Variants in CNBD1 observed in about 807,000 individuals in gnomAD.
CNBD1 encodes cyclic nucleotide binding domain containing 1, also known as cyclic nucleotide-binding domain-containing protein 1.
A neutral mutation model predicts 54.4 loss-of-function variants in CNBD1; 71 were observed. That is an observed-to-expected ratio of 1.30 (90% CI 1.08 to 1.59). The LOEUF is 1.59. Ranked by LOEUF, CNBD1 falls within the 40% of genes most tolerant of loss-of-function variation. The pLI is 0.00. For missense variants in CNBD1, 659 were observed against 518.0 expected (o/e 1.27, Z -2.64); for synonymous variants, 182 against 170.7 (o/e 1.07, Z -0.51).
At chr8:87,273,360 G>T (rs138605601) in intron 6 of CNBD1, among the ~76,000 whole-genome samples, 1 of 148,140 alleles carries the variant, frequency 6.8e-6, no homozygotes, top group Non-Finnish European at 1.5e-5. Context: ...AAGAAGAAAC[G>T]TTCTGCCTCT....
chr8:87,311,663 C>G (rs914227085), intron 8 of CNBD1, among the ~76,000 whole-genome samples: 5 of 152,110 alleles, frequency 3.3e-5, no homozygotes, highest in South Asian at 2.1e-4. Context: ...CATTGCAGTA[C>G]TATTCACAAT....
intron 4 of CNBD1, among the ~76,000 whole-genome samples, chr8:87,126,518 T>C (rs913976398): frequency 7.2e-5 from 11 of 152,070 alleles, no homozygotes; most frequent in Non-Finnish European, 1.5e-4. Flanking sequence ...TACTGAGTTC[T>C]GATAAATTTT....
intron 2 of CNBD1, among the ~76,000 whole-genome samples, chr8:87,400,712 T>A (rs1244704338): frequency 6.6e-6 from 1 of 151,986 alleles, no homozygotes. Flanking sequence ...TCTGATATTC[T>A]GGGGTGGAAA....
At chr8:87,265,335 G>A (rs982521612) in intron 6 of CNBD1, among the ~76,000 whole-genome samples, 4 of 151,964 alleles carry the variant, frequency 2.6e-5, no homozygotes, top group African/African-American at 9.7e-5. Flanking sequence ...ATTTCTGAGG[G>A]CTCTGTTCTG....
At chr8:87,224,506 T>C (rs1221411647) in intron 5 of CNBD1, among the ~76,000 whole-genome samples, 1 of 151,302 alleles carries the variant, frequency 6.6e-6, no homozygotes, top group Non-Finnish European at 1.5e-5. Flanking sequence ...GGGAATCCTT[T>C]CCCCATTGCT....
At chr8:86,975,957 T>C (rs1314439013) in intron 4 of CNBD1, among the ~76,000 whole-genome samples, 1 of 151,996 alleles carries the variant, frequency 6.6e-6, no homozygotes, top group African/African-American at 2.4e-5. Context: ...ATTTTGGTTT[T>C]AATTTATATT....
rs35631389 is a variant in CNBD1 at position 86,999,540 on chromosome 8, T to TA, written c.431+59801dup. Among the ~76,000 whole-genome samples, 993 of 140,748 alleles carry TA rather than the reference T, an allele frequency of 7.1e-3. 4 individuals are homozygous for TA. Among genetic ancestry groups the TA allele is most frequent in the East Asian group, 0.015 (73 of 4,862 alleles). 92.3% of individuals were successfully genotyped at this position (140,748 alleles called of 152,430 possible). A position where few individuals can be genotyped will look rare whatever the true frequency, so the allele number is the denominator to read the frequency against. On this transcript the variant is annotated intron_variant, in intron 4 of 10. Transcript: ENST00000518476. Reference sequence around the variant, plus strand: ...GAAAGAACACCCACTCTGTGGTATTTAAAAAAAAAAAAAAAGTCTTTTATT... The same window carrying TA: ...GAAAGAACACCCACTCTGTGGTATTTAAAAAAAAAAAAAAAAGTCTTTTATT...
chr8:87,350,994 T>C (rs532645367), intron 8 of CNBD1, among the ~76,000 whole-genome samples: 8 of 152,300 alleles, frequency 5.3e-5, no homozygotes, highest in African/African-American at 1.9e-4. Context: ...CGATTTATTG[T>C]AATAACATGA....
At chr8:87,065,478 T>C (rs1016671833) in intron 4 of CNBD1, among the ~76,000 whole-genome samples, 1 of 151,972 alleles carries the variant, frequency 6.6e-6, no homozygotes, top group African/African-American at 2.4e-5. Context: ...TATTATCTAA[T>C]GTTGGATGTA....
rs920693281 is a variant in CNBD1, at chr8:87,345,041, C to G, written c.1043-6644C>G. 2.0e-5 allele frequency among the ~76,000 whole-genome samples: 3 copies of G among 152,274 alleles called. No individual in the cohort carries two copies. In the East Asian group the frequency reaches 5.8e-4, roughly 29 times the overall value. On this transcript the variant is annotated intron_variant, in intron 8 of 10. Coordinates refer to ENST00000518476, the MANE Select transcript of CNBD1 (RefSeq NM_173538.3). ...TTGATTTTGCGCTAGTTATAGTGCA[C>G]TGTGCCTTACACATTAAGTTAGAGT...
chr8:86,930,202 G>T (rs746268296), intron 3 of CNBD1, among the ~76,000 whole-genome samples: 6 of 152,192 alleles, frequency 3.9e-5, no homozygotes, highest in Non-Finnish European at 7.3e-5. Context: ...TTACAGCAAG[G>T]ACAAGCCAGT....
rs1239780782 is a variant in CNBD1 at position 87,291,775 on chromosome 8, T to C, written c.1042+5104T>C. 2.6e-5 allele frequency among the ~76,000 whole-genome samples: 4 copies of C among 152,130 alleles called. No individual in the cohort carries two copies. In the East Asian group the frequency reaches 5.8e-4, roughly 22 times the overall value. On this transcript the variant is annotated intron_variant, in intron 8 of 10. Transcript: ENST00000518476. ...CTGAGACTAAAGGCACATGCCACCA[T>C]GCCTGGCTTTCCTTGTATTATCTTA...
intron 1 of CNBD1, among the ~76,000 whole-genome samples, chr8:86,887,273 T>C (rs549689256): frequency 1.3e-5 from 2 of 152,220 alleles, no homozygotes; most frequent in Middle Eastern, 3.4e-3. Flanking sequence ...GAAGTGACAT[T>C]ATATGAACAC....
At chr8:87,376,345 C>T (rs1488039860) in intron 10 of CNBD1, among the ~76,000 whole-genome samples, 1 of 151,822 alleles carries the variant, frequency 6.6e-6, no homozygotes, top group Non-Finnish European at 1.5e-5. Context: ...AGAGAGCAAG[C>T]TCTGACAAGG....
chr8:87,192,041 T>C lies in CNBD1; in HGVS notation c.432-13952T>C, dbSNP rs112073748. On this transcript the variant is annotated intron_variant, in intron 4 of 10. Transcript: ENST00000518476. ...TGTTATTGAGAATAATTTTAAAAAA[T>C]ATATCAACCAAGCTAGAGGGAAGAG... 3.7e-4 allele frequency among the ~76,000 whole-genome samples: 56 copies of C among 152,246 alleles called. 1 individual carries two copies. The highest frequency in any genetic ancestry group is 1.2e-3 in the African/African-American group (50 of 41,548).
intron 4 of CNBD1, among the ~76,000 whole-genome samples, chr8:87,158,270 A>T (rs1411645134): frequency 1.3e-5 from 2 of 152,086 alleles, no homozygotes; most frequent in Admixed American, 6.6e-5. Context: ...GCTAAGAGGG[A>T]TTCATAATAG....
intron 8 of CNBD1, among the ~76,000 whole-genome samples, chr8:87,349,483 C>T (rs1159395013): frequency 6.6e-6 from 1 of 152,142 alleles, no homozygotes; most frequent in Non-Finnish European, 1.5e-5. Flanking sequence ...TCAAGCTATT[C>T]CCCTGCCTCA....
At chr8:87,075,473 A>G (rs1191385882) in intron 4 of CNBD1, among the ~76,000 whole-genome samples, 2 of 152,230 alleles carry the variant, frequency 1.3e-5, no homozygotes, top group African/African-American at 2.4e-5. Context: ...CCTGATTACC[A>G]CATCCAGACA....
chr8:87,292,261 T>C (rs1263310393), intron 8 of CNBD1, among the ~76,000 whole-genome samples: 1 of 152,156 alleles, frequency 6.6e-6, no homozygotes, highest in Non-Finnish European at 1.5e-5. Context: ...AAACTCACAA[T>C]CCTGAGAGAA....
Sources: gnomAD v4.1 joint callset for allele counts (sites outside exome capture counted in the v4.1 genomes callset) on GRCh38, gnomAD v4.1.1 for gene constraint, MANE v1.5 for transcripts, NCBI Gene and HGNC (gene_info 2026-07-23, HGNC 2026-07-21) for gene names.